The following MARCO variants were observed in gnomAD, a reference collection of about 807,000 sequenced individuals.
The protein encoded by MARCO is macrophage receptor MARCO.
In MARCO, 72 loss-of-function variants were observed where a neutral mutation model predicts 70.0. The observed-to-expected ratio is 1.03, with a 90% CI of 0.85 to 1.25. The LOEUF is 1.25. MARCO is among the 50% of genes most tolerant of loss of function. MARCO has a pLI of 0.00. For synonymous variants in MARCO, 273 were observed against 243.1 expected (o/e 1.12, Z -1.14); for missense variants, 696 against 659.3 (o/e 1.06, Z -0.61).
rs1203402139 is a variant in MARCO at position 118,986,663 on chromosome 2, AGG to A, written c.1064-3925_1064-3924del. Among the ~76,000 whole-genome samples the A allele has an allele frequency of 4.9e-4, 28 of 56,592 alleles. 3 individuals are homozygous for A. The highest frequency in any genetic ancestry group is 3.1e-3 in the African/African-American group (27 of 8,608). The allele number at this position is 56,592 out of a possible 152,430, so 37.1% of individuals were successfully genotyped here. A position where few individuals can be genotyped will look rare whatever the true frequency, so the allele number is the denominator to read the frequency against. On this transcript the variant is annotated intron_variant, in intron 12 of 16. Transcript: ENST00000327097. ...AAAGAAAGAAAGAAAGAAGGAAGGA[AGG>A]AAGGAAGGAAAGAAAGAAAGAAAGA...
intron 10 of MARCO, 85 bp downstream of exon 10, chr2:118,981,741 T>C: frequency 7.4e-7 from 1 of 1,350,026 alleles, no homozygotes; most frequent in South Asian, 1.2e-5. Context: ...CACCATCTTT[T>C]GCTTCATTGT....
chr2:118,966,110 G>A, intron 1 of MARCO, among the ~76,000 whole-genome samples: 1 of 151,950 alleles, frequency 6.6e-6, no homozygotes, highest in East Asian at 1.9e-4. Flanking sequence ...GCTACCCCAG[G>A]AGGTGGCAGA....
rs370026595 is a variant in MARCO at position 118,977,874 on chromosome 2, T to A, written c.705T>A (p.Gly235=). ...QGEKGSKGDG[G]LIGPKGETGT... ...AGAAGGGCAGCAAAGGCGATGGGGG[T>A]CTCATTGGCCCAAAAGGGGAAACTG... Residue 235 remains glycine (G), a synonymous_variant, in exon 8 of 17, where the codon GGT becomes GGA. Transcript: ENST00000327097. 8 of 1,612,108 alleles carry A rather than the reference T, an allele frequency of 5.0e-6. No homozygotes were observed. Among genetic ancestry groups the A allele is most frequent in the East Asian group, 4.5e-5 (2 of 44,794 alleles).
intron 1 of MARCO, among the ~76,000 whole-genome samples, chr2:118,963,524 G>T (rs1679988285): frequency 6.6e-6 from 1 of 151,788 alleles, no homozygotes; most frequent in Non-Finnish European, 1.5e-5. Flanking sequence ...ATCTATTTTG[G>T]TGTATGTTCC....
intron 12 of MARCO, among the ~76,000 whole-genome samples, chr2:118,984,576 T>G (rs1030391044): frequency 2.0e-5 from 3 of 152,192 alleles, no homozygotes; most frequent in African/African-American, 7.2e-5. Context: ...AGTCCAAATG[T>G]TTTCCTTGAT....
At chr2:118,969,326 C>G (rs1680116953) in intron 2 of MARCO, 65 bp downstream of exon 2, 1 of 1,271,200 alleles carries the variant, frequency 7.9e-7, no homozygotes, top group Non-Finnish European at 1.1e-6. Context: ...CTGGGCCCCT[C>G]AGATGAAGGG....
In MARCO at chr2:118,977,931, C is replaced by G. The variant is rs1050571022; in HGVS notation, c.762C>G (p.Leu254=). ...AGGGAGAGAAAGGAGACCTGGGTCTCCCAGGTGAGGGCCGTATTGGGGGTG... is the reference window on the plus strand; with the variant it reads ...AGGGAGAGAAAGGAGACCTGGGTCTGCCAGGTGAGGGCCGTATTGGGGGTG... ...GTKGEKGDLG[L]PGSKGDRGMK... The change falls in exon 8 of 17, where the codon CTC becomes CTG. Residue 254 remains leucine, a synonymous_variant. Transcript: ENST00000327097. 1 of 1,600,428 alleles carries G rather than the reference C, an allele frequency of 6.2e-7. No homozygotes were observed. Among genetic ancestry groups the G allele is most frequent in the African/African-American group, 1.3e-5 (1 of 74,578 alleles).
intron 1 of MARCO, among the ~76,000 whole-genome samples, chr2:118,948,801 ATGTT>A (rs70949952): frequency 5.9e-4 from 89 of 151,786 alleles, no homozygotes; most frequent in African/African-American, 1.1e-3. Context: ...AATTGAAGCT[ATGTT>A]TGTTTGTTTG....
intron 8 of MARCO, among the ~76,000 whole-genome samples, chr2:118,980,360 C>T (rs1243954958): frequency 1.3e-5 from 2 of 152,190 alleles, no homozygotes; most frequent in Non-Finnish European, 2.9e-5. Flanking sequence ...TTCAAGTATT[C>T]AGCCATCTCA....
chr2:118,986,194 G>A (rs55634246), intron 12 of MARCO, among the ~76,000 whole-genome samples: 18,608 of 152,098 alleles, frequency 0.12, 1,272 homozygotes, highest in South Asian at 0.27. Flanking sequence ...CCCCAATTTT[G>A]AGTCCCTTAT....
At chr2:118,963,867 G>A (rs1018001849) in intron 1 of MARCO, among the ~76,000 whole-genome samples, 3 of 152,104 alleles carry the variant, frequency 2.0e-5, no homozygotes, top group African/African-American at 7.2e-5. Flanking sequence ...TTATTGATAT[G>A]TCAGTGCTTA....
intron 1 of MARCO, among the ~76,000 whole-genome samples, chr2:118,946,163 C>A (rs1453255382): frequency 6.6e-6 from 1 of 152,144 alleles, no homozygotes; most frequent in Non-Finnish European, 1.5e-5. Context: ...GTCTCATTCT[C>A]CCCCAGTGGT....
At chr2:118,958,255 G>A (rs1257068055) in intron 1 of MARCO, among the ~76,000 whole-genome samples, 1 of 151,812 alleles carries the variant, frequency 6.6e-6, no homozygotes, top group Admixed American at 6.6e-5. Context: ...AAAACCTTAA[G>A]GGCTCCTCCA....
chr2:118,975,536 A>G (rs899220536), intron 6 of MARCO, among the ~76,000 whole-genome samples: 1 of 152,202 alleles, frequency 6.6e-6, no homozygotes, highest in Non-Finnish European at 1.5e-5. Flanking sequence ...ATCTGTGTCC[A>G]GCAGGGGGTT....
At chr2:118,986,538 G>A (rs1310900799) in intron 12 of MARCO, among the ~76,000 whole-genome samples, 1 of 126,416 alleles carries the variant, frequency 7.9e-6, no homozygotes, top group Non-Finnish European at 1.6e-5. Flanking sequence ...AAGAAAGAAA[G>A]AGAGAGAGAG....
At chr2:118,973,765 C>T (rs1416895778) in intron 4 of MARCO, among the ~76,000 whole-genome samples, 3 of 152,198 alleles carry the variant, frequency 2.0e-5, no homozygotes, top group African/African-American at 7.2e-5. Context: ...TGCTCCTCAG[C>T]CAAGCTTCAG....
chr2:118,971,792 C>T (rs1680177678), intron 4 of MARCO, among the ~76,000 whole-genome samples: 1 of 152,260 alleles, frequency 6.6e-6, no homozygotes, highest in Admixed American at 6.5e-5. Flanking sequence ...TAGCTACCTT[C>T]CCAGGCCAGA....
intron 1 of MARCO, among the ~76,000 whole-genome samples, chr2:118,956,117 A>G (rs1193655362): frequency 6.6e-6 from 1 of 152,230 alleles, no homozygotes; most frequent in African/African-American, 2.4e-5. Flanking sequence ...AAAAAGCATG[A>G]TGAATGCAAT....
chr2:118,982,282 C>T, intron 11 of MARCO, 28 bp downstream of exon 11: 1 of 1,612,034 alleles, frequency 6.2e-7, no homozygotes, highest in Non-Finnish European at 8.5e-7. Flanking sequence ...ATGGTGGGCA[C>T]AGGGAGTGAT....
Sources: gnomAD v4.1 joint callset for allele counts (sites outside exome capture counted in the v4.1 genomes callset) on GRCh38, gnomAD v4.1.1 for gene constraint, MANE v1.5 for transcripts, NCBI Gene and HGNC (gene_info 2026-07-23, HGNC 2026-07-21) for gene names.